RAD9B: variants seen among roughly 807,000 people sequenced by gnomAD.
RAD9B encodes cell cycle checkpoint control protein RAD9B.
RAD9B carries 41 observed loss-of-function variants against 48.3 expected under a neutral mutation model. The observed-to-expected ratio is 0.85, with a 90% CI of 0.66 to 1.10. The LOEUF (loss-of-function observed/expected upper bound fraction) is 1.10. RAD9B is among the 50% of genes least tolerant of loss of function. The pLI, the probability that RAD9B is intolerant of heterozygous loss-of-function variation, is 0.00. For synonymous variants in RAD9B, 160 were observed against 157.9 expected, an observed-to-expected ratio of 1.01 and a Z score of -0.10; for missense variants, 444 against 485.1, an observed-to-expected ratio of 0.92 and a Z score of 0.80.
intron 10 of RAD9B, 57 bp from the exon 11 acceptor site, chr12:110,530,468 T>G: frequency 6.4e-7 from 1 of 1,570,004 alleles, no homozygotes; most frequent in Non-Finnish European, 8.7e-7. Context: ...ACCTGGAGCA[T>G]TTAATGAGCA....
At chr12:110,519,619 A>G (rs2063713964) in intron 8 of RAD9B, among the ~76,000 whole-genome samples, 175 bp from the exon 9 acceptor site, 1 of 151,860 alleles carries the variant, frequency 6.6e-6, no homozygotes, top group Admixed American at 6.6e-5. Flanking sequence ...TATTTTTAGT[A>G]GAGACGGGGT....
chr12:110,508,936 A>G (rs1011477518), intron 4 of RAD9B, among the ~76,000 whole-genome samples: 1 of 152,126 alleles, frequency 6.6e-6, no homozygotes, highest in Non-Finnish European at 1.5e-5. Flanking sequence ...CTGGGATCAC[A>G]GGAGCGTGCC....
chr12:110,522,182 A>T lies in RAD9B; in HGVS notation c.896A>T (p.Asp299Val). Residue 299 changes from aspartate (D) to valine (V), a missense_variant, in exon 10 of 11, where the codon GAT becomes GTT. Physicochemically the swap from Asp to Val is radical, Grantham distance 152 (BLOSUM62 -3). Coordinates refer to ENST00000409300, the MANE Select transcript of RAD9B (RefSeq NM_001286535.2). ...AATGCCTATTAATACCTCAGGTCAG[A>T]TCTGATTGAAAAAAAGGCTGGCAAA... ...LCLSQKRKRS[D>V]LIEKKAGKNV... 6.3e-7 allele frequency: 1 copy of T among 1,576,092 alleles called. No individual in the cohort carries two copies. Among genetic ancestry groups the T allele is most frequent in the Non-Finnish European group, 8.6e-7 (1 of 1,160,196 alleles).
chr12:110,520,542 G>T (rs1310540935), intron 9 of RAD9B, among the ~76,000 whole-genome samples: 4 of 147,210 alleles, frequency 2.7e-5, no homozygotes, highest in African/African-American at 7.5e-5. Context: ...TTTTTTAGGG[G>T]TAATATAGTG....
At chr12:110,520,646 T>TG (rs2063755569) in intron 9 of RAD9B, among the ~76,000 whole-genome samples, 1 of 95,854 alleles carries the variant, frequency 1.0e-5, no homozygotes, top group Non-Finnish European at 2.2e-5. Flanking sequence ...TTTTTTTTTT[T>TG]GTTGTTTTTT....
chr12:110,503,856 C>A lies in RAD9B; in HGVS notation c.97C>A (p.Leu33Ile). 1 of 1,574,786 alleles carries A rather than the reference C, an allele frequency of 6.4e-7. No homozygotes were observed. The change falls in exon 2 of 11, where the codon CTA (leucine) becomes ATA (isoleucine). Residue 33 changes from leucine to isoleucine, a missense_variant. Transcript: ENST00000409300. ...ALSRISDEFW[L>I]DPSKKGLALR... is the part of the protein sequence containing the mutation. ...ATCACGAATTAGTGACGAGTTCTGG[C>A]TAGACCCATCTAAAAAAGGTGTAAG...
intron 10 of RAD9B, among the ~76,000 whole-genome samples, chr12:110,528,810 C>T (rs1337823179): frequency 6.6e-6 from 1 of 152,176 alleles, no homozygotes; most frequent in Non-Finnish European, 1.5e-5. Flanking sequence ...TCACTACAAC[C>T]TCCACCTCCC....
At chr12:110,517,229 G>A (rs2063625242) in intron 6 of RAD9B, among the ~76,000 whole-genome samples, 1 of 152,098 alleles carries the variant, frequency 6.6e-6, no homozygotes, top group Non-Finnish European at 1.5e-5. Context: ...TGCAGCAGCT[G>A]AGGCAAGGGG....
At chr12:110,509,976 A>T (rs898892776) in intron 4 of RAD9B, among the ~76,000 whole-genome samples, 1 of 152,228 alleles carries the variant, frequency 6.6e-6, no homozygotes, top group Non-Finnish European at 1.5e-5. Flanking sequence ...TTTTTTAAAT[A>T]CGTAAAATAT....
intron 5 of RAD9B, among the ~76,000 whole-genome samples, chr12:110,513,494 A>G (rs12297069): frequency 0.024 from 3,715 of 151,846 alleles, 128 homozygotes; most frequent in African/African-American, 0.079. Flanking sequence ...AAATTTTAAC[A>G]TTTTTTATGT....
chr12:110,510,958 AAAAG>A (rs368067597), intron 4 of RAD9B, among the ~76,000 whole-genome samples: 54 of 152,258 alleles, frequency 3.5e-4, no homozygotes, highest in Admixed American at 7.2e-4. Context: ...TGTCAAAAAA[AAAAG>A]AAAGAGAGAA....
intron 5 of RAD9B, 114 bp downstream of exon 5, chr12:110,512,992 G>T: frequency 1.7e-6 from 1 of 600,138 alleles, no homozygotes; most frequent in African/African-American, 2.0e-5. Flanking sequence ...TTTATATGGA[G>T]TCTCGCTGTG....
chr12:110,530,570 C>T lies in RAD9B; in HGVS notation c.1171C>T (p.His391Tyr). The stretch of plus-strand genomic sequence containing the variant: ...AGCAGTTTCTTCTGACCAGCAAGAA[C>T]ACTTCAACCACCCTTTCGACAGTCT... ...FGAVSSDQQE[H>Y]FNHPFDSLAR... The change falls in exon 11 of 11, where the codon CAC becomes TAC. Residue 391 changes from histidine to tyrosine, a missense_variant. By Grantham distance (83) the His-to-Tyr change is moderately conservative. Coordinates refer to ENST00000409300, the MANE Select transcript of RAD9B (RefSeq NM_001286535.2). 6.2e-7 allele frequency: 1 copy of T among 1,614,010 alleles called. No individual in the cohort carries two copies. Among genetic ancestry groups the T allele is most frequent in the Non-Finnish European group, 8.5e-7 (1 of 1,179,886 alleles).
chr12:110,503,785 C>A (rs1199139329), intron 1 of RAD9B, 21 bp from the exon 2 acceptor site: 10 of 1,567,246 alleles, frequency 6.4e-6, no homozygotes, highest in Non-Finnish European at 8.8e-6. Flanking sequence ...ATATAAGCAT[C>A]ACCTTTCTTT....
At chr12:110,512,725 AAT>A (rs1272265919) in intron 4 of RAD9B, 52 bp from the exon 5 acceptor site, 1 of 762,462 alleles carries the variant, frequency 1.3e-6, no homozygotes, top group Non-Finnish European at 2.2e-6. Context: ...AGACTTCTTT[AAT>A]TTGTTAGTTT....
intron 10 of RAD9B, among the ~76,000 whole-genome samples, chr12:110,529,458 AAAGATAAG>A (rs2064057027): frequency 6.6e-6 from 1 of 152,292 alleles, no homozygotes; most frequent in African/African-American, 2.4e-5. Flanking sequence ...TCTGTATTTT[AAAGATAAG>A]AAGACTGAGC....
intron 4 of RAD9B, among the ~76,000 whole-genome samples, chr12:110,509,602 G>A (rs1017907303): frequency 6.6e-6 from 1 of 152,138 alleles, no homozygotes; most frequent in Non-Finnish European, 1.5e-5. Flanking sequence ...TGAAGGAGAA[G>A]TGTGAAAAAA....
In RAD9B at chr12:110,528,261, G is replaced by A. The variant is rs543668562; in HGVS notation, c.1126-2264G>A. On this transcript the variant is annotated intron_variant, in intron 10 of 10. Coordinates refer to ENST00000409300, the MANE Select transcript of RAD9B (RefSeq NM_001286535.2). ...AGATGAGAAGTGGAGAGAGGCGGCT[G>A]AAATAGTTCATTTAGGAGCCAAAAC... Among the ~76,000 whole-genome samples the A allele has an allele frequency of 2.0e-5, 3 of 152,298 alleles. 1 individual carries two copies. The East Asian group carries it at 5.8e-4, about 29-fold the overall frequency.
chr12:110,516,740 G>A (rs2063610707), intron 6 of RAD9B, among the ~76,000 whole-genome samples: 1 of 151,810 alleles, frequency 6.6e-6, no homozygotes. Flanking sequence ...TTGAACCTGG[G>A]AGGCGGTGGT....
Sources: allele counts gnomAD v4.1 joint callset (sites outside exome capture counted in the v4.1 genomes callset), GRCh38; gene constraint gnomAD v4.1.1; transcripts MANE v1.5; gene names NCBI Gene and HGNC (gene_info 2026-07-23, HGNC 2026-07-21).